Variants in ZNF560 observed in about 807,000 individuals in gnomAD.
The protein encoded by ZNF560 is zinc finger protein 560.
ZNF560 carries 54 observed loss-of-function variants against 81.8 expected under a neutral mutation model. The observed-to-expected ratio is 0.66, with a 90% CI of 0.53 to 0.83. The LOEUF (loss-of-function observed/expected upper bound fraction) is 0.83. Ranked by LOEUF, ZNF560 falls within the 40% of genes least tolerant of loss-of-function variation. The pLI is 0.00. For missense variants in ZNF560, 940 were observed against 932.4 expected, an observed-to-expected ratio of 1.01 and a Z score of -0.11; for synonymous variants, 321 against 317.9, an observed-to-expected ratio of 1.01 and a Z score of -0.10.
In ZNF560 at chr19:9,484,301, A is replaced by C. The variant is rs370795132; in HGVS notation, c.-56-8932T>G. ...AAGAATGATCAATTAAAAAAAAAAA[A>C]AAGAAACAGAAGAACTGCTGAAAGC... is the stretch of plus-strand genomic sequence containing the variant. On this transcript the variant is annotated intron_variant, in intron 2 of 9. Transcript: ENST00000301480. Among the ~76,000 whole-genome samples, 47 of 152,104 alleles carry C rather than the reference A, an allele frequency of 3.1e-4. No individual in the cohort carries two copies. The East Asian group carries it at 8.1e-3, about 26-fold the overall frequency.
chr19:9,463,935 G>A (rs944924996), downstream of ZNF560, among the ~76,000 whole-genome samples: 1 of 152,132 alleles, frequency 6.6e-6, no homozygotes, highest in Non-Finnish European at 1.5e-5. Flanking sequence ...CGCCTGACTT[G>A]GCCTCCCGAA....
At chr19:9,474,159 C>CT (rs776246016) in intron 4 of ZNF560, 40 bp downstream of exon 4, 1 of 1,612,498 alleles carries the variant, frequency 6.2e-7, no homozygotes, top group Admixed American at 1.7e-5. Context: ...CAATGTATAT[C>CT]TCTTCCCTAA....
At chr19:9,498,617 G>A (rs983970858), upstream of ZNF560, 1 of 152,352 alleles carries the variant, frequency 6.6e-6, no homozygotes, top group African/African-American at 2.4e-5. Context: ...AGAGAGAACT[G>A]GCGCGCCGCA....
In ZNF560 at chr19:9,466,687, C is replaced by T. The variant is rs1238538677; in HGVS notation, c.2260G>A (p.Gly754Arg). 3 of 1,613,936 alleles carry T rather than the reference C, an allele frequency of 1.9e-6. No homozygotes were observed. The highest frequency in any genetic ancestry group is 2.5e-6 in the Non-Finnish European group (3 of 1,180,010). The change falls in exon 10 of 10, where the codon GGA (glycine) becomes AGA (arginine). Residue 754 changes from glycine (G) to arginine (R), a missense_variant. Physicochemically the swap from Gly to Arg is moderately radical, Grantham distance 125. Transcript: ENST00000301480. ...TGAGTTCTTAAATGTTGAATACGTC[C>T]TGAGGATGTACGGAAGGCCTTCCCA... is the stretch of plus-strand genomic sequence containing the variant. ...ECGKAFRTSS[G>R]RIQHLRTHMG... is the part of the protein sequence containing the mutation.
downstream of ZNF560, among the ~76,000 whole-genome samples, chr19:9,463,359 C>T (rs2072964494): frequency 6.6e-6 from 1 of 152,140 alleles, no homozygotes; most frequent in Admixed American, 6.5e-5. Context: ...TTAGTCCAAG[C>T]ACCAGGATGA....
At chr19:9,493,830 T>C (rs1437025375) in intron 2 of ZNF560, among the ~76,000 whole-genome samples, 1 of 152,152 alleles carries the variant, frequency 6.6e-6, no homozygotes, top group Non-Finnish European at 1.5e-5. Context: ...TATGACTAAA[T>C]TTCAGTAGAA....
At chr19:9,496,309 G>C (rs1459229516) in intron 2 of ZNF560, among the ~76,000 whole-genome samples, 1 of 151,778 alleles carries the variant, frequency 6.6e-6, no homozygotes, top group Non-Finnish European at 1.5e-5. Flanking sequence ...TCGTGACACT[G>C]CACTCCACCC....
chr19:9,465,585 G>A (rs1049704421), downstream of ZNF560, among the ~76,000 whole-genome samples: 1 of 152,132 alleles, frequency 6.6e-6, no homozygotes, highest in East Asian at 1.9e-4. Context: ...AAGTGAACAG[G>A]GACAAATGAG....
At chr19:9,455,134 T>A in the ZNF560 span, among the ~76,000 whole-genome samples, 3 of 152,158 alleles carry the variant, frequency 2.0e-5, no homozygotes, top group Non-Finnish European at 4.4e-5. Context: ...GCTTGGAAGT[T>A]CCCTGTTAGG....
the ZNF560 span, among the ~76,000 whole-genome samples, chr19:9,505,310 T>C: frequency 0.048 from 7,349 of 152,306 alleles, 613 homozygotes; most frequent in African/African-American, 0.17. Context: ...AAAGTTCGTT[T>C]GTCTGATATC....
the ZNF560 span, among the ~76,000 whole-genome samples, chr19:9,460,218 G>A: frequency 3.3e-5 from 5 of 152,184 alleles, no homozygotes; most frequent in African/African-American, 1.2e-4. Context: ...AGTTGATGCT[G>A]AGGATGACCC....
chr19:9,469,748 A>C, intron 7 of ZNF560, 38 bp from the exon 8 acceptor site: 240 of 1,581,006 alleles, frequency 1.5e-4, no homozygotes, highest in Non-Finnish European at 1.9e-4. Flanking sequence ...GAAGAGGCTC[A>C]TGCAAGAAAT....
chr19:9,475,930 G>A (rs1185848945), intron 2 of ZNF560, among the ~76,000 whole-genome samples: 1 of 152,030 alleles, frequency 6.6e-6, no homozygotes, highest in Non-Finnish European at 1.5e-5. Context: ...AAGACCTGAG[G>A]AATGTAAGTC....
At chr19:9,483,461 G>A (rs1370517176) in intron 2 of ZNF560, among the ~76,000 whole-genome samples, 3 of 145,492 alleles carry the variant, frequency 2.1e-5, no homozygotes, top group Admixed American at 6.8e-5. Flanking sequence ...GAGCGTCTCC[G>A]CCTGGCAGCT....
At chr19:9,474,434 A>G in intron 3 of ZNF560, 109 bp from the exon 4 acceptor site, 1 of 1,238,260 alleles carries the variant, frequency 8.1e-7, no homozygotes, top group South Asian at 1.5e-5. Context: ...GAGGTCTCTC[A>G]TTATCTACCC....
chr19:9,469,309 T>G lies in ZNF560; in HGVS notation c.530-122A>C, dbSNP rs2073086038. On this transcript the variant is annotated intron_variant, in intron 8 of 9. Transcript: ENST00000301480. ...ATTTGGCAATCATATGGGGTCAAGT[T>G]TTAGTAATTTTTAAAACAACTTATT... 9 of 699,718 alleles carry G rather than the reference T, an allele frequency of 1.3e-5. No individual in the cohort carries two copies. In the South Asian group the frequency reaches 1.9e-4, roughly 15 times the overall value. 43.3% of individuals were successfully genotyped at this position (699,718 alleles called of 1,614,324 possible).
At chr19:9,446,638 T>G in the ZNF560 span, among the ~76,000 whole-genome samples, 1 of 151,362 alleles carries the variant, frequency 6.6e-6, no homozygotes. Context: ...GCAATGTCAG[T>G]CAACTGTATT....
the ZNF560 span, among the ~76,000 whole-genome samples, chr19:9,506,017 T>C: frequency 1.3e-5 from 2 of 150,596 alleles, no homozygotes; most frequent in Admixed American, 6.6e-5. Context: ...TGAGATGGAG[T>C]CTTCTTGCTC....
chr19:9,490,007 T>C (rs1340960988), intron 2 of ZNF560, among the ~76,000 whole-genome samples: 1 of 152,180 alleles, frequency 6.6e-6, no homozygotes, highest in African/African-American at 2.4e-5. Flanking sequence ...GCTAAACTGG[T>C]TGGATGATTG....
Sources: gnomAD v4.1 joint callset for allele counts (sites outside exome capture counted in the v4.1 genomes callset) on GRCh38, gnomAD v4.1.1 for gene constraint, MANE v1.5 for transcripts, NCBI Gene and HGNC (gene_info 2026-07-23, HGNC 2026-07-21) for gene names.